Variants in CYTH3 observed in about 807,000 individuals in gnomAD.
The protein encoded by CYTH3 is cytohesin-3.
Under a neutral mutation model 55.1 loss-of-function variants are expected in CYTH3, and 23 were observed. That is an observed-to-expected ratio of 0.42 (90% CI 0.30 to 0.59). The LOEUF is 0.59. Among genes scored for constraint, CYTH3 ranks in the 20% least tolerant of loss-of-function variants. CYTH3 has a pLI of 0.20. For missense variants in CYTH3, 413 were observed against 524.8 expected (o/e 0.79, Z 2.08); for synonymous variants, 249 against 194.9 (o/e 1.28, Z -2.31).
intron 1 of CYTH3, among the ~76,000 whole-genome samples, chr7:6,259,780 ATATAATATATATATATATAT>A (rs1780265039): frequency 9.0e-5 from 2 of 22,160 alleles, no homozygotes; most frequent in Non-Finnish European, 1.2e-4. Context: ...TATTATATAT[ATATAATATATATATATATAT>A]ATATATATAT....
intron 1 of CYTH3, among the ~76,000 whole-genome samples, chr7:6,211,981 G>A (rs1784328351): frequency 6.6e-6 from 1 of 152,084 alleles, no homozygotes; most frequent in Non-Finnish European, 1.5e-5. Flanking sequence ...GTGAGACGCT[G>A]TCTCAAAAAT....
In CYTH3 at chr7:6,165,289, ACTC is replaced by A. The variant is rs1782959770; in HGVS notation, c.1108_1110del (p.Glu370del). 2 of 1,611,720 alleles carry A rather than the reference ACTC, an allele frequency of 1.2e-6. No homozygotes were observed. Among genetic ancestry groups the A allele is most frequent in the Non-Finnish European group, 1.7e-6 (2 of 1,179,208 alleles). On this transcript the variant is annotated inframe_deletion, in exon 12 of 13. Transcript: ENST00000350796. ...CCCACTCACTTGATGGATTTCATCC[ACTC>A]CTCCTTCTCCTCCGGGCTCGGGGCT...
intron 1 of CYTH3, among the ~76,000 whole-genome samples, chr7:6,271,485 G>GA (rs377557223): frequency 0.043 from 6,089 of 140,982 alleles, 294 homozygotes; most frequent in African/African-American, 0.11. Context: ...AGATCTTCAG[G>GA]AAAAAAAAAA....
chr7:6,189,313 C>G (rs1326544315), intron 2 of CYTH3, among the ~76,000 whole-genome samples: 2 of 151,122 alleles, frequency 1.3e-5, no homozygotes, highest in Non-Finnish European at 2.9e-5. Flanking sequence ...TTTGTCTTTA[C>G]TTTTTCTTTT....
chr7:6,204,948 T>G (rs768793857), intron 1 of CYTH3, among the ~76,000 whole-genome samples: 4 of 152,042 alleles, frequency 2.6e-5, no homozygotes, highest in Non-Finnish European at 4.4e-5. Flanking sequence ...GTGGATCACT[T>G]GAGCCCAGGA....
chr7:6,244,177 A>G (rs1199915325), intron 1 of CYTH3, among the ~76,000 whole-genome samples: 2 of 152,222 alleles, frequency 1.3e-5, no homozygotes, highest in African/African-American at 4.8e-5. Context: ...GACTTCACAG[A>G]AGAAATGGCA....
Position 6,164,861 on chromosome 7 carries a change from T to A in CYTH3, c.*83A>T, listed in dbSNP as rs1205446300. On this transcript the variant is annotated 3_prime_UTR_variant, in exon 13 of 13. Transcript: ENST00000350796. ...TTGCACCGCAGGGCGACTGCCTCCC[T>A]GCCACGCCTTCCGCGGAGGGGCCGC... 6.7e-7 allele frequency: 1 copy of A among 1,487,774 alleles called. No individual in the cohort carries two copies. 92.2% of individuals were successfully genotyped at this position (1,487,774 alleles called of 1,614,324 possible).
At chr7:6,272,417 A>AGCCCCCG (rs1415760722) in intron 1 of CYTH3, 57 bp downstream of exon 1, 11 of 370,334 alleles carry the variant, frequency 3.0e-5, no homozygotes, top group Non-Finnish European at 4.5e-5. Flanking sequence ...CTCGACCCCC[A>AGCCCCCG]GCCCCCGGCC....
intron 4 of CYTH3, among the ~76,000 whole-genome samples, chr7:6,185,845 A>T (rs1002660164): frequency 6.6e-6 from 1 of 152,102 alleles, no homozygotes; most frequent in Non-Finnish European, 1.5e-5. Flanking sequence ...CAGATCTTAG[A>T]CCTTGTACAA....
chr7:6,173,314 G>A (rs777448766), intron 6 of CYTH3, among the ~76,000 whole-genome samples: 2 of 152,184 alleles, frequency 1.3e-5, no homozygotes, highest in African/African-American at 4.8e-5. Context: ...GTGGAAGGAA[G>A]TAACCCCATG....
intron 2 of CYTH3, among the ~76,000 whole-genome samples, chr7:6,188,497 G>C (rs1783715281): frequency 6.6e-6 from 1 of 152,142 alleles, no homozygotes; most frequent in African/African-American, 2.4e-5. Context: ...TGAGGCTCGG[G>C]TGTGTTTAGA....
chr7:6,256,282 C>A (rs1390605477), intron 1 of CYTH3, among the ~76,000 whole-genome samples: 1 of 152,210 alleles, frequency 6.6e-6, no homozygotes, highest in Non-Finnish European at 1.5e-5. Context: ...TCACTGGCCA[C>A]TGGTTCAGGC....
chr7:6,272,410 G>GGGGGGGGGGGCCCCGCCC, intron 1 of CYTH3, 64 bp downstream of exon 1: 2 of 1,216,618 alleles, frequency 1.6e-6, no homozygotes, highest in Non-Finnish European at 2.1e-6. Flanking sequence ...CCGCGCCCTC[G>GGGGGGGGGGGCCCCGCCC]ACCCCCAGCC....
chr7:6,165,258 C>T lies in CYTH3; in HGVS notation c.1127+15G>A, dbSNP rs747038594. On this transcript the variant is annotated intron_variant, in intron 12 of 12. Transcript: ENST00000350796. ...GAGAAGACGGGCCTGGCCCCGCCCCCGAGGCCCCACTCACTTGATGGATTT... is the reference window on the plus strand; with the variant it reads ...GAGAAGACGGGCCTGGCCCCGCCCCTGAGGCCCCACTCACTTGATGGATTT... 3.6e-5 allele frequency: 57 copies of T among 1,602,700 alleles called. 1 individual carries two copies. The highest frequency in any genetic ancestry group is 6.7e-5 in the East Asian group (3 of 44,766).
intron 1 of CYTH3, among the ~76,000 whole-genome samples, chr7:6,201,208 G>A (rs1378956586): frequency 6.6e-6 from 1 of 152,206 alleles, no homozygotes; most frequent in African/African-American, 2.4e-5. Context: ...TGATAAAGCA[G>A]CATTCAAACT....
chr7:6,202,402 C>T (rs969316158), intron 1 of CYTH3, among the ~76,000 whole-genome samples: 4 of 151,490 alleles, frequency 2.6e-5, no homozygotes, highest in Middle Eastern at 3.2e-3. Flanking sequence ...AAGAGCAGCA[C>T]GTGAACCGCC....
chr7:6,242,782 T>C (rs1158738747), intron 1 of CYTH3, among the ~76,000 whole-genome samples: 1 of 152,122 alleles, frequency 6.6e-6, no homozygotes, highest in Non-Finnish European at 1.5e-5. Flanking sequence ...GAATTCCCTG[T>C]CATACTACAT....
intron 1 of CYTH3, among the ~76,000 whole-genome samples, chr7:6,247,989 T>G (rs747005474): frequency 1.3e-5 from 2 of 151,966 alleles, no homozygotes; most frequent in African/African-American, 2.4e-5. Flanking sequence ...CTCTCTGCCC[T>G]AGTTTTCAGC....
intron 1 of CYTH3, among the ~76,000 whole-genome samples, chr7:6,264,403 GGAGTTC>G (rs1424721534): frequency 2.0e-5 from 3 of 152,212 alleles, no homozygotes. Flanking sequence ...TTTGCGGTCA[GGAGTTC>G]GAGAGCAGCC....
Sources: allele counts gnomAD v4.1 joint callset (sites outside exome capture counted in the v4.1 genomes callset), GRCh38; gene constraint gnomAD v4.1.1; transcripts MANE v1.5; gene names NCBI Gene and HGNC (gene_info 2026-07-23, HGNC 2026-07-21).